Variants in THRAP3 observed in about 807,000 individuals in gnomAD.
THRAP3 encodes thyroid hormone receptor-associated protein 3.
A neutral mutation model predicts 101.0 loss-of-function variants in THRAP3; 16 were observed. That is an observed-to-expected ratio of 0.16 (90% CI 0.11 to 0.24). THRAP3 has a LOEUF of 0.24. THRAP3 is among the 10% of genes least tolerant of loss of function. The pLI is 1.00. For missense variants in THRAP3, 989 were observed against 1,202.7 expected, an observed-to-expected ratio of 0.82 and a Z score of 2.63; for synonymous variants, 407 against 422.6, an observed-to-expected ratio of 0.96 and a Z score of 0.45.
At chr1:36,235,847 A>T (rs1454612507) in intron 1 of THRAP3, among the ~76,000 whole-genome samples, 1 of 152,178 alleles carries the variant, frequency 6.6e-6, no homozygotes, top group African/African-American at 2.4e-5. Context: ...ACATTCATAT[A>T]GTGGAATGCT....
chr1:36,220,972 A>AAAAAAAATATATATAT (rs1285765741), upstream of THRAP3, among the ~76,000 whole-genome samples: 6 of 94,122 alleles, frequency 6.4e-5, no homozygotes, highest in African/African-American at 2.8e-4. Context: ...AAAAAAAAAA[A>AAAAAAAATATATATAT]ATATATATAT....
the THRAP3 span, among the ~76,000 whole-genome samples, chr1:36,209,296 A>C: frequency 6.6e-6 from 1 of 152,044 alleles, no homozygotes; most frequent in East Asian, 1.9e-4. Flanking sequence ...TCATATTTTA[A>C]AGCTTAGTGT....
intron 1 of THRAP3, among the ~76,000 whole-genome samples, chr1:36,254,274 A>C (rs1281605870): frequency 6.6e-6 from 1 of 152,152 alleles, no homozygotes; most frequent in Non-Finnish European, 1.5e-5. Flanking sequence ...GATATTTTTT[A>C]CCGTCATTTG....
At chr1:36,293,051 T>TTTTTTTTTTAC (rs1645898153) in intron 7 of THRAP3, among the ~76,000 whole-genome samples, 1 of 125,742 alleles carries the variant, frequency 8.0e-6, no homozygotes, top group African/African-American at 3.0e-5. Context: ...TTTTTTGAGA[T>TTTTTTTTTTAC]GGAGTGTTGC....
intron 8 of THRAP3, among the ~76,000 whole-genome samples, chr1:36,295,327 A>G (rs1202663852): frequency 6.6e-6 from 1 of 151,628 alleles, no homozygotes; most frequent in Non-Finnish European, 1.5e-5. Context: ...TATGTAAACT[A>G]TTAATGCAGA....
the THRAP3 span, among the ~76,000 whole-genome samples, chr1:36,214,017 A>AGAAAG: frequency 8.6e-6 from 1 of 115,926 alleles, no homozygotes; most frequent in African/African-American, 3.6e-5. Flanking sequence ...AAAGAAAGAA[A>AGAAAG]GAAAGAAAGA....
chr1:36,301,185 A>T lies in THRAP3; in HGVS notation c.2502+101A>T, dbSNP rs140910652. The T allele has an allele frequency of 3.3e-3, 3,948 of 1,197,120 alleles. 13 individuals carry two copies. The highest frequency in any genetic ancestry group is 4.4e-3 in the Non-Finnish European group (3,773 of 858,430). 74.2% of individuals were successfully genotyped at this position (1,197,120 alleles called of 1,614,324 possible). ...AGTTTTGTTGCCTTTGACATAAGTAATCCAATCCAAAGACCCTGGAATCTT... is the reference window on the plus strand; with the variant it reads ...AGTTTTGTTGCCTTTGACATAAGTATTCCAATCCAAAGACCCTGGAATCTT... On this transcript the variant is annotated intron_variant, in intron 10 of 11. Coordinates refer to ENST00000354618, the MANE Select transcript of THRAP3 (RefSeq NM_005119.4).
chr1:36,244,031 C>A (rs1445805173), intron 1 of THRAP3, among the ~76,000 whole-genome samples: 4 of 140,998 alleles, frequency 2.8e-5, no homozygotes, highest in South Asian at 2.3e-4. Context: ...CTGACCCCCC[C>A]ACCTCCCTCC....
intron 2 of THRAP3, among the ~76,000 whole-genome samples, chr1:36,276,206 G>A (rs1199993896): frequency 2.0e-5 from 3 of 149,204 alleles, no homozygotes; most frequent in African/African-American, 2.5e-5. Flanking sequence ...GAAAAACAGA[G>A]TTCAGCAGAG....
At chr1:36,212,887 T>C in the THRAP3 span, among the ~76,000 whole-genome samples, 3 of 152,114 alleles carry the variant, frequency 2.0e-5, no homozygotes, top group Non-Finnish European at 4.4e-5. Flanking sequence ...GCAGTTGGTG[T>C]TGGAGTACTC....
At chr1:36,255,399 T>A (rs1275980736) in intron 1 of THRAP3, among the ~76,000 whole-genome samples, 1 of 150,616 alleles carries the variant, frequency 6.6e-6, no homozygotes, top group Non-Finnish European at 1.5e-5. Context: ...AGGCTGAGGC[T>A]GGCGGATCAT....
chr1:36,214,015 A>C, the THRAP3 span, among the ~76,000 whole-genome samples: 1 of 114,788 alleles, frequency 8.7e-6, no homozygotes, highest in Non-Finnish European at 1.9e-5. Flanking sequence ...AGAAAGAAAG[A>C]AAGAAAGAAA....
At chr1:36,274,549 A>G (rs1375169958) in intron 2 of THRAP3, among the ~76,000 whole-genome samples, 1 of 152,076 alleles carries the variant, frequency 6.6e-6, no homozygotes, top group Non-Finnish European at 1.5e-5. Flanking sequence ...TGGTGTTGAC[A>G]TAAGGAGAGA....
At chr1:36,236,465 C>G (rs1645089644) in intron 1 of THRAP3, among the ~76,000 whole-genome samples, 2 of 151,764 alleles carry the variant, frequency 1.3e-5, no homozygotes, top group African/African-American at 4.8e-5. Flanking sequence ...TCCTTCTTCC[C>G]CCTTTCCTTT....
chr1:36,260,734 A>G (rs962225428), intron 2 of THRAP3, among the ~76,000 whole-genome samples: 1 of 149,128 alleles, frequency 6.7e-6, no homozygotes, highest in African/African-American at 2.5e-5. Flanking sequence ...AGGCAGGAGA[A>G]TGGTGTGAAC....
intron 1 of THRAP3, among the ~76,000 whole-genome samples, chr1:36,247,014 CTT>C (rs1645239415): frequency 2.0e-5 from 3 of 151,906 alleles, no homozygotes; most frequent in Non-Finnish European, 4.4e-5. Context: ...CTTTCTTAGT[CTT>C]TTTTAAAAAA....
chr1:36,242,789 A>G (rs1261627851), intron 1 of THRAP3, among the ~76,000 whole-genome samples: 2 of 152,220 alleles, frequency 1.3e-5, no homozygotes, highest in Non-Finnish European at 2.9e-5. Flanking sequence ...TAGATTTGTC[A>G]GTCTTTACCT....
chr1:36,244,059 CG>C (rs1334502830), intron 1 of THRAP3, among the ~76,000 whole-genome samples: 3 of 151,978 alleles, frequency 2.0e-5, no homozygotes, highest in African/African-American at 7.2e-5. Flanking sequence ...GGCGGCTGGC[CG>C]GGCAGAGGGG....
upstream of THRAP3, among the ~76,000 whole-genome samples, chr1:36,223,330 G>A (rs187077892): frequency 4.0e-3 from 612 of 152,246 alleles, 6 homozygotes; most frequent in African/African-American, 0.014. Context: ...TTTCTCTTAG[G>A]AAGAGCATTA....
Sources: gnomAD v4.1 joint callset for allele counts (sites outside exome capture counted in the v4.1 genomes callset) on GRCh38, gnomAD v4.1.1 for gene constraint, MANE v1.5 for transcripts, NCBI Gene and HGNC (gene_info 2026-07-23, HGNC 2026-07-21) for gene names.